The following LRRC37A2 variants were observed in gnomAD, a reference collection of about 807,000 sequenced individuals.
The protein encoded by LRRC37A2 is leucine rich repeat containing 37 member A2.
LRRC37A2 carries 9 observed loss-of-function variants against 68.8 expected under a neutral mutation model. The ratio of observed to expected loss-of-function variants is 0.13; its 90% CI spans 0.08 to 0.23. The LOEUF is 0.23. LRRC37A2 is among the 10% of genes least tolerant of loss of function. The pLI is 1.00. For synonymous variants in LRRC37A2, 63 were observed against 367.6 expected (o/e 0.17, Z 9.48); for missense variants, 168 against 950.4 (o/e 0.18, Z 10.82).
At chr17:46,877,113 G>C in the LRRC37A2 span, 3 of 1,025,756 alleles carry the variant, frequency 2.9e-6, no homozygotes, top group Non-Finnish European at 3.5e-6. Flanking sequence ...GAGGTGAACT[G>C]CTGGGCTAGG....
chr17:46,885,877 C>T, the LRRC37A2 span: 9 of 152,578 alleles, frequency 5.9e-5, no homozygotes, highest in African/African-American at 1.9e-4. Context: ...CCTGGCTTCC[C>T]CTTCCCAACT....
the LRRC37A2 span, among the ~76,000 whole-genome samples, chr17:46,718,779 G>A: frequency 6.6e-6 from 1 of 152,140 alleles, no homozygotes; most frequent in Non-Finnish European, 1.5e-5. Context: ...GAATTAGATG[G>A]TAATTTCTGT....
At chr17:46,947,414 C>G in the LRRC37A2 span, among the ~76,000 whole-genome samples, 123 of 152,344 alleles carry the variant, frequency 8.1e-4, no homozygotes, top group African/African-American at 2.8e-3. Context: ...AGGGCAGAGG[C>G]TGTCACTGCC....
chr17:46,784,507 A>G, the LRRC37A2 span, among the ~76,000 whole-genome samples: 9 of 152,174 alleles, frequency 5.9e-5, no homozygotes, highest in East Asian at 1.7e-3. Flanking sequence ...TTGATGCCAT[A>G]TGCCAAGGGG....
the LRRC37A2 span, among the ~76,000 whole-genome samples, chr17:46,899,421 C>A: frequency 6.6e-6 from 1 of 151,518 alleles, no homozygotes; most frequent in Non-Finnish European, 1.5e-5. Context: ...AACAAACAAA[C>A]AAACCAACAA....
At chr17:46,886,389 T>A in the LRRC37A2 span, 1 of 152,338 alleles carries the variant, frequency 6.6e-6, no homozygotes, top group African/African-American at 2.4e-5. Context: ...TAGGAGGCCA[T>A]TAGTTTGTAC....
the LRRC37A2 span, among the ~76,000 whole-genome samples, chr17:46,852,310 C>T: frequency 6.6e-6 from 1 of 152,004 alleles, no homozygotes; most frequent in Admixed American, 6.5e-5. Flanking sequence ...AGGAACCGTG[C>T]GCTGGGGAAA....
At chr17:46,693,221 TA>T in the LRRC37A2 span, among the ~76,000 whole-genome samples, 3 of 147,972 alleles carry the variant, frequency 2.0e-5, no homozygotes, top group Non-Finnish European at 4.5e-5. Flanking sequence ...TGCCTAGGCT[TA>T]ATAGGAAAAA....
chr17:46,734,271 G>C, the LRRC37A2 span, among the ~76,000 whole-genome samples: 1 of 152,136 alleles, frequency 6.6e-6, no homozygotes, highest in African/African-American at 2.4e-5. Flanking sequence ...TCTGGCTAAT[G>C]ACTATGATAT....
the LRRC37A2 span, among the ~76,000 whole-genome samples, chr17:46,958,608 C>A: frequency 6.6e-6 from 1 of 152,158 alleles, no homozygotes; most frequent in Non-Finnish European, 1.5e-5. Flanking sequence ...TGAGATGTGC[C>A]AGTGGGATGT....
intron 6 of LRRC37A2, among the ~76,000 whole-genome samples, chr17:46,537,077 ATTTTTTT>A (rs766255014): frequency 5.6e-3 from 194 of 34,798 alleles, no homozygotes; most frequent in Middle Eastern, 0.018. Flanking sequence ...ATTGTGGTCA[ATTTTTTT>A]TTTTTTTTTT....
chr17:46,883,269 A>T, the LRRC37A2 span, among the ~76,000 whole-genome samples: 3 of 148,134 alleles, frequency 2.0e-5, no homozygotes, highest in East Asian at 6.0e-4. Context: ...GGCGTGAGCT[A>T]CTGCGCCCGG....
At chr17:46,887,782 A>G in the LRRC37A2 span, among the ~76,000 whole-genome samples, 1 of 151,682 alleles carries the variant, frequency 6.6e-6, no homozygotes, top group Non-Finnish European at 1.5e-5. Context: ...AGAAAGAAAG[A>G]AAGAAAGAAA....
the LRRC37A2 span, chr17:46,978,860 C>G: frequency 2.5e-6 from 4 of 1,581,102 alleles, no homozygotes; most frequent in Non-Finnish European, 3.4e-6. Context: ...GCGGGGACCC[C>G]GTCGCTGGCG....
At chr17:46,837,418 G>A in the LRRC37A2 span, among the ~76,000 whole-genome samples, 2 of 152,284 alleles carry the variant, frequency 1.3e-5, no homozygotes, top group African/African-American at 2.4e-5. Flanking sequence ...GGACTGGAGG[G>A]TGGGACTGAT....
chr17:46,779,103 A>ACACCC, the LRRC37A2 span, among the ~76,000 whole-genome samples: 28 of 133,664 alleles, frequency 2.1e-4, no homozygotes, highest in East Asian at 1.3e-3. Flanking sequence ...ACACACACAC[A>ACACCC]CCCCAGCCCA....
chr17:46,759,076 T>G, the LRRC37A2 span, among the ~76,000 whole-genome samples: 4 of 152,132 alleles, frequency 2.6e-5, no homozygotes, highest in Non-Finnish European at 4.4e-5. Context: ...TGGTGGCACA[T>G]GCCTGTAATC....
At chr17:46,721,881 C>A in the LRRC37A2 span, 29 of 1,583,954 alleles carry the variant, frequency 1.8e-5, no homozygotes, top group Admixed American at 4.8e-4. Context: ...CTCCTCTGAG[C>A]GATAAAGACG....
At chr17:46,842,648 CAG>C in the LRRC37A2 span, among the ~76,000 whole-genome samples, 1 of 152,212 alleles carries the variant, frequency 6.6e-6, no homozygotes, top group Non-Finnish European at 1.5e-5. Flanking sequence ...GCTGGGATTA[CAG>C]GCATGAGCCA....
Sources: allele counts gnomAD v4.1 joint callset (sites outside exome capture counted in the v4.1 genomes callset), GRCh38; gene constraint gnomAD v4.1.1; transcripts MANE v1.5; gene names NCBI Gene and HGNC (gene_info 2026-07-23, HGNC 2026-07-21).